Variants in SLC1A1 observed in about 807,000 individuals in gnomAD.
SLC1A1 encodes the protein excitatory amino acid transporter 3.
A neutral mutation model predicts 53.3 loss-of-function variants in SLC1A1; 43 were observed. That is an observed-to-expected ratio of 0.81 (90% confidence interval 0.63 to 1.04). The LOEUF (loss-of-function observed/expected upper bound fraction) is 1.04. Ranked by LOEUF, SLC1A1 falls within the 50% of genes least tolerant of loss-of-function variation. SLC1A1 has a pLI of 0.00. For missense variants in SLC1A1, 748 were observed against 664.9 expected (o/e 1.12, Z -1.37); for synonymous variants, 307 against 243.2 (o/e 1.26, Z -2.44).
intron 1 of SLC1A1, among the ~76,000 whole-genome samples, chr9:4,518,135 C>T (rs1388096699): frequency 7.0e-6 from 1 of 143,108 alleles, no homozygotes; most frequent in Non-Finnish European, 1.5e-5. Flanking sequence ...ACTCAGGAGG[C>T]TGAGGCAGGA....
intron 1 of SLC1A1, among the ~76,000 whole-genome samples, chr9:4,496,080 G>T (rs1235574170): frequency 6.6e-6 from 1 of 152,134 alleles, no homozygotes; most frequent in Non-Finnish European, 1.5e-5. Flanking sequence ...GGGAATGAAT[G>T]AACCTATCCT....
intron 1 of SLC1A1, among the ~76,000 whole-genome samples, 197 bp from the exon 2 acceptor site, chr9:4,544,370 T>TATGTAAAAGTACAC (rs1817279262): frequency 6.6e-6 from 1 of 152,214 alleles, no homozygotes; most frequent in Non-Finnish European, 1.5e-5. Context: ...TTTACAGATT[T>TATGTAAAAGTACAC]ACTGAATAAT....
intron 10 of SLC1A1, among the ~76,000 whole-genome samples, chr9:4,582,835 A>G (rs1821224891): frequency 6.6e-6 from 1 of 152,104 alleles, no homozygotes; most frequent in East Asian, 1.9e-4. Context: ...ATGGCATCAT[A>G]CCCCTCATAG....
At position 4,559,339 on chromosome 9, in the gene SLC1A1, A is replaced by T. The variant is rs562158118; in HGVS notation, c.233-2110A>T. ...GTGGTTGATGAATGGCGCCTTAACAACATCCTGGGGTAGCTGCTACAGAGG... is the reference window on the plus strand; with the variant it reads ...GTGGTTGATGAATGGCGCCTTAACATCATCCTGGGGTAGCTGCTACAGAGG... On this transcript the variant is annotated intron_variant, in intron 2 of 11. Coordinates refer to ENST00000262352, the MANE Select transcript of SLC1A1 (RefSeq NM_004170.6). Among the ~76,000 whole-genome samples the T allele has an allele frequency of 2.3e-4, 35 of 152,330 alleles. No homozygotes were observed. The South Asian group carries it at 5.2e-3, about 23-fold the overall frequency.
chr9:4,577,500 G>C (rs1820664988), intron 10 of SLC1A1, among the ~76,000 whole-genome samples: 1 of 152,134 alleles, frequency 6.6e-6, no homozygotes. Flanking sequence ...TTTTGAGATG[G>C]AGTTTTGCTC....
At chr9:4,535,893 A>G (rs556765068) in intron 1 of SLC1A1, among the ~76,000 whole-genome samples, 1 of 152,278 alleles carries the variant, frequency 6.6e-6, no homozygotes, top group Admixed American at 6.5e-5. Flanking sequence ...AATGCTACCT[A>G]TCTACAACCA....
rs538590949 is a variant in SLC1A1, at chr9:4,556,306, C to T, written c.233-5143C>T. On this transcript the variant is annotated intron_variant, in intron 2 of 11. Transcript: ENST00000262352. This position sits in a 1 kb window ranked among gnomAD's most constrained non-coding sequence, Gnocchi z 4.1. ...AAGTGCTGGGATTACCGGCGTGAGC[C>T]ACTACGCCCCGCCCCTATCTTTTAT... 3.3e-5 allele frequency among the ~76,000 whole-genome samples: 5 copies of T among 152,296 alleles called. No individual in the cohort carries two copies. The South Asian group carries it at 8.3e-4, about 25-fold the overall frequency.
rs965789217 is a variant in SLC1A1 at position 4,494,812 on chromosome 9, C to A, written c.91+4042C>A. Reference sequence around the variant, plus strand: ...TATATAGTATATGATGTTGTTAAGGCACTTCTTATATCCTCACCCTATTCA... The same window carrying A: ...TATATAGTATATGATGTTGTTAAGGAACTTCTTATATCCTCACCCTATTCA... On this transcript the variant is annotated intron_variant, in intron 1 of 11. Coordinates refer to ENST00000262352, the MANE Select transcript of SLC1A1 (RefSeq NM_004170.6). Among the ~76,000 whole-genome samples the A allele has an allele frequency of 2.7e-4, 41 of 152,042 alleles. 1 individual carries two copies. Among genetic ancestry groups the A allele is most frequent in the Non-Finnish European group, 2.9e-5 (2 of 68,010 alleles).
intron 1 of SLC1A1, among the ~76,000 whole-genome samples, chr9:4,537,928 T>G (rs528733744): frequency 2.7e-5 from 4 of 150,846 alleles, no homozygotes; most frequent in African/African-American, 7.4e-5. Flanking sequence ...ATGAATTTGA[T>G]CTCAAAAAAA....
At chr9:4,582,029 C>T (rs987279773) in intron 10 of SLC1A1, among the ~76,000 whole-genome samples, 4 of 152,202 alleles carry the variant, frequency 2.6e-5, no homozygotes, top group Non-Finnish European at 5.9e-5. Flanking sequence ...CAGTGGAACC[C>T]GGGCAACAGT....
intron 1 of SLC1A1, among the ~76,000 whole-genome samples, chr9:4,523,035 G>A (rs1199135368): frequency 2.0e-5 from 3 of 152,132 alleles, no homozygotes; most frequent in African/African-American, 7.2e-5. Flanking sequence ...AAAATCCTGA[G>A]ATAGGTACCT....
In SLC1A1 at chr9:4,585,454, A is replaced by G. The variant is rs776346667; in HGVS notation, c.1471A>G (p.Ile491Val). 1 of 1,614,174 alleles carries G rather than the reference A, an allele frequency of 6.2e-7. No homozygotes were observed. The highest frequency in any genetic ancestry group is 8.5e-7 in the Non-Finnish European group (1 of 1,180,032). Residue 491 changes from isoleucine to valine, a missense_variant, in exon 12 of 12, where the codon ATC (isoleucine) becomes GTC (valine). Ile to Val is a conservative substitution (Grantham distance 29). Transcript: ENST00000262352. ...GAATCCCTTTGCCTTGGAATCCACA[A>G]TCCTTGACAACGAAGACTCAGACAC... ...IVNPFALESTILDNEDSDTKK... is the reference protein window; with the variant it reads ...IVNPFALESTVLDNEDSDTKK...
chr9:4,572,801 A>G (rs1820184184), intron 7 of SLC1A1, among the ~76,000 whole-genome samples: 1 of 152,046 alleles, frequency 6.6e-6, no homozygotes, highest in Non-Finnish European at 1.5e-5. Context: ...TACCCACTTC[A>G]TCCTCCCAAA....
chr9:4,544,795 A>G (rs1817317927), intron 2 of SLC1A1, 88 bp downstream of exon 2: 3 of 1,144,502 alleles, frequency 2.6e-6, no homozygotes, highest in Non-Finnish European at 3.9e-6. Context: ...TTATAAAGGA[A>G]AGAGGTTTAA....
intron 2 of SLC1A1, among the ~76,000 whole-genome samples, chr9:4,550,138 A>C (rs1817806625): frequency 6.6e-6 from 1 of 152,188 alleles, no homozygotes; most frequent in Admixed American, 6.5e-5. Flanking sequence ...ATTATTAAAC[A>C]CTAGACGTCA....
chr9:4,529,692 TTG>T (rs1554678046), intron 1 of SLC1A1, among the ~76,000 whole-genome samples: 1 of 151,712 alleles, frequency 6.6e-6, no homozygotes. Flanking sequence ...GAAACTTTTT[TTG>T]TGTGTGTGTG....
At chr9:4,568,421 A>C (rs1819693423) in intron 6 of SLC1A1, among the ~76,000 whole-genome samples, 1 of 151,476 alleles carries the variant, frequency 6.6e-6, no homozygotes, top group South Asian at 2.1e-4. Context: ...CTGTCTCAAA[A>C]AAAAAAAAAA....
chr9:4,561,365 A>T (rs530003910), intron 2 of SLC1A1, 84 bp from the exon 3 acceptor site: 2 of 870,164 alleles, frequency 2.3e-6, no homozygotes, highest in Admixed American at 1.7e-5. Flanking sequence ...TCAGCTCTTT[A>T]TTTCACAACC....
At chr9:4,500,909 A>G (rs956407112) in intron 1 of SLC1A1, among the ~76,000 whole-genome samples, 2 of 152,134 alleles carry the variant, frequency 1.3e-5, no homozygotes, top group Non-Finnish European at 2.9e-5. Flanking sequence ...TTCCTCTCCC[A>G]GGCCCAGCCT....
Sources: gnomAD v4.1 joint callset for allele counts (sites outside exome capture counted in the v4.1 genomes callset) on GRCh38, gnomAD v4.1.1 for gene constraint, Gnocchi (gnomAD v3.1) non-coding constraint, MANE v1.5 for transcripts, NCBI Gene and HGNC (gene_info 2026-07-23, HGNC 2026-07-21) for gene names.